Variants in AFF2 observed in about 807,000 individuals in gnomAD.
AFF2 encodes AF4/FMR2 family member 2.
AFF2 carries 14 observed loss-of-function variants against 76.9 expected under a neutral mutation model. The ratio of observed to expected loss-of-function variants is 0.18; its 90% confidence interval spans 0.12 to 0.28. The LOEUF (loss-of-function observed/expected upper bound fraction) is 0.28. AFF2 is among the 10% of genes least tolerant of loss of function. The pLI is 1.00. For synonymous variants in AFF2, 398 were observed against 366.7 expected (o/e 1.09, Z -0.98); for missense variants, 868 against 1,001.1 (o/e 0.87, Z 1.79).
intron 1 of AFF2, among the ~76,000 whole-genome samples, chrX:148,584,011 G>A (rs2053440553): frequency 1.8e-5 from 2 of 111,913 alleles, no homozygotes; most frequent in African/African-American, 6.5e-5. Flanking sequence ...CACCCCCACT[G>A]TGGATATGTT....
chrX:148,982,952 T>C (rs1449221012), intron 19 of AFF2, among the ~76,000 whole-genome samples: 6 of 112,394 alleles, frequency 5.3e-5, no homozygotes, highest in African/African-American at 1.9e-4. Context: ...ATAATAACAA[T>C]TACATATAAT....
intron 7 of AFF2, among the ~76,000 whole-genome samples, chrX:148,884,025 T>C (rs1055236081): frequency 9.0e-6 from 1 of 111,459 alleles, no homozygotes; most frequent in Non-Finnish European, 1.9e-5. Context: ...AAGCCATTTA[T>C]AATAACAAGC....
At chrX:148,508,297 T>C (rs909986871) in intron 1 of AFF2, among the ~76,000 whole-genome samples, 4 of 112,411 alleles carry the variant, frequency 3.6e-5, no homozygotes, top group Non-Finnish European at 3.8e-5. Flanking sequence ...ATTAAACCAT[T>C]TTCCTGGAGT....
chrX:148,663,417 G>A (rs1330578998), intron 3 of AFF2, among the ~76,000 whole-genome samples: 1 of 112,005 alleles, frequency 8.9e-6, no homozygotes, highest in Non-Finnish European at 1.9e-5. Context: ...AGCATTACGA[G>A]CAACCAAAAG....
chrX:148,905,029 G>A (rs1332699576), intron 9 of AFF2, among the ~76,000 whole-genome samples: 12 of 111,987 alleles, frequency 1.1e-4, no homozygotes, highest in African/African-American at 2.0e-4. Context: ...ATCACATCTC[G>A]AGGAACTATG....
At chrX:148,518,362 G>A (rs782235922) in intron 1 of AFF2, among the ~76,000 whole-genome samples, 2 of 112,088 alleles carry the variant, frequency 1.8e-5, no homozygotes, top group Admixed American at 1.9e-4. Flanking sequence ...TTGGGCGGTG[G>A]TCTCTAGTAT....
intron 1 of AFF2, among the ~76,000 whole-genome samples, chrX:148,591,282 G>A (rs1557246603): frequency 9.0e-6 from 1 of 111,651 alleles, no homozygotes; most frequent in Admixed American, 9.5e-5. Flanking sequence ...AGGAACACTT[G>A]ACTATATGTG....
At chrX:148,718,225 A>C in intron 3 of AFF2, among the ~76,000 whole-genome samples, 1 of 111,771 alleles carries the variant, frequency 8.9e-6, no homozygotes, top group Non-Finnish European at 1.9e-5. Context: ...ATTTAGAGAG[A>C]GATCATGTCC....
chrX:148,980,811 G>T, intron 19 of AFF2, 21 bp downstream of exon 19: 1 of 1,150,270 alleles, frequency 8.7e-7, no homozygotes, highest in Admixed American at 2.2e-5. Context: ...TCTGAAAATT[G>T]CTTTTTCGTG....
chrX:148,846,675 A>C (rs1362871849), intron 7 of AFF2, among the ~76,000 whole-genome samples: 2 of 111,137 alleles, frequency 1.8e-5, no homozygotes, highest in African/African-American at 6.6e-5. Context: ...TTCTTAATCA[A>C]ACGGAGTTTC....
At chrX:148,668,065 A>C (rs972788145) in intron 3 of AFF2, among the ~76,000 whole-genome samples, 2 of 113,129 alleles carry the variant, frequency 1.8e-5, no homozygotes, top group African/African-American at 6.4e-5. Context: ...CAGCTATTCC[A>C]AATGGGAGAA....
At chrX:148,856,603 A>T (rs1557275904) in intron 7 of AFF2, among the ~76,000 whole-genome samples, 1 of 111,592 alleles carries the variant, frequency 9.0e-6, no homozygotes, top group East Asian at 2.8e-4. Flanking sequence ...AGAATACAAG[A>T]GGGAGAAAAC....
chrX:148,721,074 C>T (rs1440341531), intron 3 of AFF2, among the ~76,000 whole-genome samples: 2 of 112,036 alleles, frequency 1.8e-5, no homozygotes, highest in African/African-American at 6.5e-5. Context: ...GTCTAACTGC[C>T]TCTTGACATT....
chrX:148,897,093 G>A (rs1386839697), intron 8 of AFF2, among the ~76,000 whole-genome samples: 1 of 101,244 alleles, frequency 9.9e-6, no homozygotes, highest in African/African-American at 3.6e-5. Flanking sequence ...ATTCTCCATT[G>A]CATACTACAG....
chrX:148,908,430 G>A (rs1328864985), intron 9 of AFF2, among the ~76,000 whole-genome samples: 2 of 112,002 alleles, frequency 1.8e-5, no homozygotes, highest in African/African-American at 6.5e-5. Flanking sequence ...CACAATTTAT[G>A]TTCTTCTACC....
intron 3 of AFF2, among the ~76,000 whole-genome samples, chrX:148,749,908 G>A (rs782226244): frequency 5.4e-5 from 6 of 110,788 alleles, no homozygotes; most frequent in Admixed American, 9.6e-5. Flanking sequence ...ACCTTACACC[G>A]TGAGCACTTT....
intron 3 of AFF2, among the ~76,000 whole-genome samples, chrX:148,720,946 A>T (rs782180259): frequency 1.6e-4 from 18 of 111,724 alleles, no homozygotes; most frequent in Non-Finnish European, 2.8e-4. Context: ...GTTCATAGAG[A>T]TATTTGTCCT....
chrX:148,620,272 G>A (rs1435789956), intron 1 of AFF2, among the ~76,000 whole-genome samples: 2 of 111,142 alleles, frequency 1.8e-5, no homozygotes, highest in African/African-American at 6.5e-5. Context: ...GCTAGCAAAT[G>A]TGAAGGGAAT....
chrX:148,918,611 C>T (rs941233630), intron 9 of AFF2, among the ~76,000 whole-genome samples: 2 of 111,776 alleles, frequency 1.8e-5, no homozygotes, highest in African/African-American at 3.3e-5. Context: ...TATACCCCAG[C>T]TTCCAAACTT....
Sources: allele counts gnomAD v4.1 joint callset (sites outside exome capture counted in the v4.1 genomes callset), GRCh38; gene constraint gnomAD v4.1.1; transcripts MANE v1.5; gene names NCBI Gene and HGNC (gene_info 2026-07-23, HGNC 2026-07-21).